The following FGF13 variants were observed in gnomAD, a reference collection of about 807,000 sequenced individuals.
The protein encoded by FGF13 is fibroblast growth factor homologous factor 2.
In FGF13, 2 loss-of-function variants were observed where a neutral mutation model predicts 19.5. The observed-to-expected ratio is 0.10, with a 90% CI of 0.04 to 0.32. The LOEUF is 0.32. Ranked by LOEUF, FGF13 falls within the 10% of genes least tolerant of loss-of-function variation. FGF13 has a pLI of 1.00. For missense variants in FGF13, 113 were observed against 192.7 expected (o/e 0.59, Z 2.45); for synonymous variants, 72 against 76.9 (o/e 0.94, Z 0.33).
intron 1 of FGF13, among the ~76,000 whole-genome samples, chrX:138,722,748 A>G (rs997215586): frequency 4.5e-5 from 5 of 111,441 alleles, no homozygotes; most frequent in Non-Finnish European, 7.5e-5. Context: ...TCTCTTTTCC[A>G]GCACAAACAA....
chrX:139,177,238 CTT>C (rs35867493), intron 1 of FGF13, among the ~76,000 whole-genome samples: 9 of 49,934 alleles, frequency 1.8e-4, no homozygotes, highest in African/African-American at 1.0e-3. Context: ...GCAACCCCTG[CTT>C]TTTTTTTTTT....
At chrX:138,683,399 A>T (rs991241185) in intron 3 of FGF13, among the ~76,000 whole-genome samples, 2 of 104,576 alleles carry the variant, frequency 1.9e-5, no homozygotes, top group African/African-American at 3.6e-5. Flanking sequence ...ACACAAACAC[A>T]CTCTCTCTCT....
intron 3 of FGF13, among the ~76,000 whole-genome samples, chrX:138,828,779 C>T (rs1390899737): frequency 9.1e-6 from 1 of 109,400 alleles, no homozygotes; most frequent in Non-Finnish European, 1.9e-5. Context: ...TGTATGCACC[C>T]CTCCCCCGCC....
chrX:139,103,256 C>T (rs1004950287), intron 1 of FGF13, among the ~76,000 whole-genome samples: 1 of 111,891 alleles, frequency 8.9e-6, no homozygotes, highest in African/African-American at 3.2e-5. Context: ...TCATAATGTC[C>T]AAAAGATGGA....
At chrX:138,774,582 C>T (rs1391059221) in intron 3 of FGF13, among the ~76,000 whole-genome samples, 1 of 111,499 alleles carries the variant, frequency 9.0e-6, no homozygotes, top group Non-Finnish European at 1.9e-5. Flanking sequence ...TTTCCTAGAC[C>T]TCTCATAGCA....
intron 1 of FGF13, among the ~76,000 whole-genome samples, chrX:139,159,655 C>CAAAAAAAAAAAAAAA (rs550001786): frequency 5.8e-5 from 3 of 51,665 alleles, no homozygotes; most frequent in African/African-American, 7.5e-5. Context: ...AAAGAGAAAG[C>CAAAAAAAAAAAAAAA]AAAAAAAAAA....
chrX:138,666,745 C>T (rs2089550512), intron 3 of FGF13, among the ~76,000 whole-genome samples: 1 of 110,727 alleles, frequency 9.0e-6, no homozygotes, highest in African/African-American at 3.3e-5. Context: ...CATATATGAA[C>T]AGAATACAGA....
At chrX:138,913,690 AAGGAAGGAAGGAAGG>A (rs2091603257) in intron 1 of FGF13, among the ~76,000 whole-genome samples, 7 of 104,883 alleles carry the variant, frequency 6.7e-5, no homozygotes, top group African/African-American at 2.5e-4. Flanking sequence ...GGAAGGAAGG[AAGGAAGGAAGGAAGG>A]AAAGAAAACT....
rs1001552275 is a variant in FGF13, at chrX:138,873,318, A to G, written c.-112-8668T>C. Among the ~76,000 whole-genome samples the G allele has an allele frequency of 2.7e-5, 3 of 111,574 alleles. No homozygotes were observed. The South Asian group carries it at 1.1e-3, about 42-fold the overall frequency. ...GGAGTGCCGGTTTGGTCCTTCACAG[A>G]TGGAAGGTACAGACTGCCACATTAA... On this transcript the variant is annotated intron_variant, in intron 1 of 2. Coordinates refer to the FGF13 transcript ENST00000421460.
intron 1 of FGF13, among the ~76,000 whole-genome samples, chrX:139,107,012 T>A (rs200196785): frequency 0.11 from 11,591 of 105,343 alleles, 455 homozygotes; most frequent in South Asian, 0.2. Flanking sequence ...AGCTATGCTA[T>A]TTTTTTTTCA....
At chrX:138,727,163 T>C (rs1043659635) in intron 1 of FGF13, among the ~76,000 whole-genome samples, 4 of 111,150 alleles carry the variant, frequency 3.6e-5, no homozygotes, top group Non-Finnish European at 7.6e-5. Context: ...TTCATTTTTT[T>C]TTTTTTAACT....
At chrX:138,971,376 GTTTTA>G (rs755869254) in intron 1 of FGF13, among the ~76,000 whole-genome samples, 1,412 of 111,610 alleles carry the variant, frequency 0.013, 15 homozygotes, top group East Asian at 0.097. Flanking sequence ...TTGTTTTTCA[GTTTTA>G]TTTTGTTTTT....
intron 1 of FGF13, among the ~76,000 whole-genome samples, chrX:138,984,536 G>GAAC (rs1569436065): frequency 3.7e-4 from 10 of 26,763 alleles, no homozygotes; most frequent in South Asian, 2.4e-3. Context: ...AGAAGAAGAA[G>GAAC]AAGAAGAAGA....
chrX:138,795,037 C>T (rs1315884438), intron 3 of FGF13, among the ~76,000 whole-genome samples: 1 of 111,696 alleles, frequency 9.0e-6, no homozygotes, highest in Non-Finnish European at 1.9e-5. Flanking sequence ...TTTATAACTA[C>T]GAACTCAGAG....
rs775597725 is a variant in FGF13 at position 139,111,578 on chromosome X, T to C, written c.-113+91838A>G. On this transcript the variant is annotated intron_variant, in intron 1 of 2. Coordinates refer to the FGF13 transcript ENST00000421460. ...GCATATCAATATTAACTCTATTTTATAGGATTCCAGTATTTCTGCCAAGAC... is the reference window on the plus strand; with the variant it reads ...GCATATCAATATTAACTCTATTTTACAGGATTCCAGTATTTCTGCCAAGAC... Among the ~76,000 whole-genome samples, 9 of 112,124 alleles carry C rather than the reference T, an allele frequency of 8.0e-5. No homozygotes were observed. The East Asian group carries it at 2.0e-3, about 24-fold the overall frequency.
rs147819807 is a variant in FGF13 at position 138,883,057 on chromosome X, T to C, written c.-112-18407A>G. On this transcript the variant is annotated intron_variant, in intron 1 of 2. Coordinates refer to the FGF13 transcript ENST00000421460. ...GATGTAAAGAAGAAGCACAGACACA[T>C]GGATCAAGCAAATTACAGTGTTGTC... 4.4e-3 allele frequency among the ~76,000 whole-genome samples: 498 copies of C among 112,082 alleles called. 1 individual carries two copies. The highest frequency in any genetic ancestry group is 7.7e-3 in the Non-Finnish European group (409 of 53,148).
chrX:139,013,050 C>G (rs1257898278), intron 1 of FGF13, among the ~76,000 whole-genome samples: 1 of 111,526 alleles, frequency 9.0e-6, no homozygotes, highest in East Asian at 2.8e-4. Context: ...AAAGACAGTT[C>G]TCAAAAGAAG....
chrX:139,163,314 C>T (rs984483244), intron 1 of FGF13, among the ~76,000 whole-genome samples: 7 of 110,863 alleles, frequency 6.3e-5, no homozygotes, highest in African/African-American at 2.3e-4. Context: ...ACACTGCATT[C>T]TCTCACTCAT....
At chrX:138,807,739 A>G (rs1276019655) in intron 3 of FGF13, among the ~76,000 whole-genome samples, 8 of 111,669 alleles carry the variant, frequency 7.2e-5, no homozygotes, top group East Asian at 2.8e-4. Flanking sequence ...AAATAAAAGG[A>G]TGGAGGAAGA....
Sources: allele counts gnomAD v4.1 joint callset (sites outside exome capture counted in the v4.1 genomes callset), GRCh38; gene constraint gnomAD v4.1.1; transcripts MANE v1.5; gene names NCBI Gene and HGNC (gene_info 2026-07-23, HGNC 2026-07-21).